WWOX: variants seen among roughly 807,000 people sequenced by gnomAD.
WWOX encodes WW domain-containing oxidoreductase.
A neutral mutation model predicts 46.2 loss-of-function variants in WWOX; 69 were observed. That is an observed-to-expected ratio of 1.49 (90% CI 1.23 to 1.82). WWOX has a LOEUF of 1.82. WWOX is among the 40% of genes most tolerant of loss of function. The pLI, the probability that WWOX is intolerant of heterozygous loss-of-function variation, is 0.00. For synonymous variants in WWOX, 359 were observed against 202.6 expected, an observed-to-expected ratio of 1.77 and a Z score of -6.56; for missense variants, 919 against 542.6, an observed-to-expected ratio of 1.69 and a Z score of -6.89.
chr16:78,765,025 C>G (rs1017937419), intron 8 of WWOX, among the ~76,000 whole-genome samples: 1 of 152,134 alleles, frequency 6.6e-6, no homozygotes, highest in Non-Finnish European at 1.5e-5. Context: ...GGACAAGAAC[C>G]CAGATCCCTG....
intron 8 of WWOX, among the ~76,000 whole-genome samples, chr16:78,868,373 G>A (rs1026826859): frequency 6.6e-6 from 1 of 152,096 alleles, no homozygotes; most frequent in Non-Finnish European, 1.5e-5. Flanking sequence ...CTGGGGCTGG[G>A]AGTGAGTGGA....
chr16:78,352,383 A>G (rs901937831), intron 5 of WWOX, among the ~76,000 whole-genome samples: 5 of 152,252 alleles, frequency 3.3e-5, no homozygotes, highest in Non-Finnish European at 5.9e-5. Context: ...TCGATGTGTC[A>G]GCAGGACACC....
At chr16:78,993,291 C>A (rs1281238729) in intron 8 of WWOX, among the ~76,000 whole-genome samples, 1 of 151,922 alleles carries the variant, frequency 6.6e-6, no homozygotes, top group Non-Finnish European at 1.5e-5. Flanking sequence ...GGAAGGGAGG[C>A]CCTGAAATTG....
chr16:79,116,163 G>C (rs2049511770), intron 8 of WWOX, among the ~76,000 whole-genome samples: 1 of 152,156 alleles, frequency 6.6e-6, no homozygotes, highest in African/African-American at 2.4e-5. Flanking sequence ...GCTGGTGGAG[G>C]GTCTTGCCTT....
chr16:79,026,431 T>C (rs923509295), intron 8 of WWOX, among the ~76,000 whole-genome samples: 1 of 151,740 alleles, frequency 6.6e-6, no homozygotes, highest in African/African-American at 2.4e-5. Context: ...CTGTGGACTC[T>C]CTGGGAACTG....
chr16:78,945,984 C>T (rs987122274), intron 8 of WWOX, among the ~76,000 whole-genome samples: 1 of 152,112 alleles, frequency 6.6e-6, no homozygotes. Context: ...TCCTGCCTTC[C>T]TCACAGGCTT....
chr16:79,005,961 C>T (rs1400751786), intron 8 of WWOX, among the ~76,000 whole-genome samples: 1 of 152,160 alleles, frequency 6.6e-6, no homozygotes, highest in South Asian at 2.1e-4. Flanking sequence ...ACCCACTGGC[C>T]ATTCCTGGGG....
intron 8 of WWOX, among the ~76,000 whole-genome samples, chr16:78,620,389 C>G (rs374311154): frequency 1.5e-4 from 23 of 152,212 alleles, no homozygotes; most frequent in African/African-American, 4.8e-4. Flanking sequence ...CCAACAGACT[C>G]GTGTAGAAGT....
At chr16:79,153,211 C>T (rs569794730) in intron 8 of WWOX, among the ~76,000 whole-genome samples, 127 of 152,274 alleles carry the variant, frequency 8.3e-4, no homozygotes, top group African/African-American at 2.9e-3. Context: ...TCAGGCCCAG[C>T]GTAGTGGCTT....
At chr16:79,120,887 G>A (rs1002820882) in intron 8 of WWOX, among the ~76,000 whole-genome samples, 2 of 152,216 alleles carry the variant, frequency 1.3e-5, no homozygotes, top group Non-Finnish European at 2.9e-5. Context: ...TCCTGCCGCA[G>A]CCTCCTGAGT....
At chr16:78,392,768 A>G (rs868019535) in intron 6 of WWOX, among the ~76,000 whole-genome samples, 3 of 152,322 alleles carry the variant, frequency 2.0e-5, no homozygotes, top group Middle Eastern at 3.4e-3. Context: ...GTAATCGTCC[A>G]AGAGTACACA....
At chr16:78,323,559 G>A (rs1456122624) in intron 5 of WWOX, among the ~76,000 whole-genome samples, 3 of 152,134 alleles carry the variant, frequency 2.0e-5, no homozygotes, top group Admixed American at 6.5e-5. Context: ...ATGCCATGCA[G>A]TGGGAAGAGG....
At chr16:78,937,448 C>CTTTTTTTTTTTTTTT (rs537642648) in intron 8 of WWOX, among the ~76,000 whole-genome samples, 5 of 81,994 alleles carry the variant, frequency 6.1e-5, no homozygotes, top group African/African-American at 2.1e-4. Flanking sequence ...TTTGTATTAA[C>CTTTTTTTTTTTTTTT]TTTTTTTTTT....
chr16:78,947,115 AG>A (rs1303959162), intron 8 of WWOX, among the ~76,000 whole-genome samples: 1 of 151,392 alleles, frequency 6.6e-6, no homozygotes, highest in Non-Finnish European at 1.5e-5. Context: ...AAAAAAAAAG[AG>A]GGGGAAAAAG....
intron 8 of WWOX, among the ~76,000 whole-genome samples, chr16:78,914,130 C>T (rs1012527897): frequency 6.6e-6 from 1 of 152,044 alleles, no homozygotes; most frequent in Non-Finnish European, 1.5e-5. Context: ...TCTTTCCTGG[C>T]TATCCTGTCC....
At chr16:79,007,415 T>A (rs1301683833) in intron 8 of WWOX, among the ~76,000 whole-genome samples, 1 of 151,926 alleles carries the variant, frequency 6.6e-6, no homozygotes, top group East Asian at 1.9e-4. Flanking sequence ...CTCAGAGAAA[T>A]CACTCAGGCT....
At chr16:78,406,733 T>C (rs971214515) in intron 6 of WWOX, among the ~76,000 whole-genome samples, 1 of 151,842 alleles carries the variant, frequency 6.6e-6, no homozygotes, top group East Asian at 1.9e-4. Context: ...TTCAAGCGAT[T>C]CTCCTGCCTC....
chr16:78,325,659 T>A (rs372870194), intron 5 of WWOX, among the ~76,000 whole-genome samples: 5 of 152,216 alleles, frequency 3.3e-5, no homozygotes, highest in African/African-American at 1.2e-4. Context: ...GCAGCTTGAT[T>A]AATTTATTTC....
At chr16:79,144,125 C>T (rs2050141443) in intron 8 of WWOX, among the ~76,000 whole-genome samples, 1 of 152,154 alleles carries the variant, frequency 6.6e-6, no homozygotes, top group South Asian at 2.1e-4. Context: ...TCTTGAACTC[C>T]TGGCCTCAAA....
Sources: gnomAD v4.1 joint callset for allele counts (sites outside exome capture counted in the v4.1 genomes callset) on GRCh38, gnomAD v4.1.1 for gene constraint, MANE v1.5 for transcripts, NCBI Gene and HGNC (gene_info 2026-07-23, HGNC 2026-07-21) for gene names.